Variants in R3HDM2 observed in about 807,000 individuals in gnomAD.
The protein encoded by R3HDM2 is R3H domain containing 2, also known as R3H domain-containing protein 2.
R3HDM2 carries 38 observed loss-of-function variants against 124.5 expected under a neutral mutation model. That is an observed-to-expected ratio of 0.31 (90% CI 0.24 to 0.40). The LOEUF (loss-of-function observed/expected upper bound fraction) is 0.40, where lower values mean the gene tolerates loss of function less well. Among genes scored for constraint, R3HDM2 ranks in the 10% least tolerant of loss-of-function variants. The pLI is 1.00. For missense variants in R3HDM2, 869 were observed against 1,236.9 expected (o/e 0.70, Z 4.46); for synonymous variants, 391 against 448.0 (o/e 0.87, Z 1.61).
chr12:57,354,002 C>T lies in R3HDM2; in HGVS notation c.-36+41747G>A, dbSNP rs796823408. 1.8e-4 allele frequency among the ~76,000 whole-genome samples: 27 copies of T among 151,846 alleles called. No individual in the cohort carries two copies. In the South Asian group the frequency reaches 3.4e-3, roughly 19 times the overall value. ...CTGAGTAGCTAGGATTACAAGTGCA[C>T]GCCACCACACCCAGCTAATTTTTGT... On this transcript the variant is annotated intron_variant, in intron 2 of 23. Transcript: ENST00000402412.
chr12:57,354,238 AC>A (rs2060995409), intron 2 of R3HDM2, among the ~76,000 whole-genome samples: 1 of 151,736 alleles, frequency 6.6e-6, no homozygotes, highest in African/African-American at 2.4e-5. Context: ...GAGAATTCTA[AC>A]TGCTCCACAG....
At chr12:57,309,461 T>A (rs755491591) in intron 3 of R3HDM2, among the ~76,000 whole-genome samples, 1 of 152,222 alleles carries the variant, frequency 6.6e-6, no homozygotes, top group Non-Finnish European at 1.5e-5. Context: ...TCTACTACCA[T>A]CATTTCTGTA....
At chr12:57,351,452 T>C (rs954763003) in intron 2 of R3HDM2, among the ~76,000 whole-genome samples, 8 of 152,186 alleles carry the variant, frequency 5.3e-5, no homozygotes, top group African/African-American at 1.4e-4. Context: ...AAGTAAGGCC[T>C]GTGGATGGTG....
At chr12:57,346,222 C>T (rs796964209) in intron 2 of R3HDM2, among the ~76,000 whole-genome samples, 26 of 151,048 alleles carry the variant, frequency 1.7e-4, no homozygotes, top group African/African-American at 5.4e-4. Context: ...TTTGGGAGGC[C>T]GAAGCGAGTG....
chr12:57,421,392 C>T (rs1423935417), intron 1 of R3HDM2, among the ~76,000 whole-genome samples: 1 of 151,224 alleles, frequency 6.6e-6, no homozygotes, highest in African/African-American at 2.4e-5. Context: ...TCAGGTGATC[C>T]GCCCACCTCA....
intron 2 of R3HDM2, among the ~76,000 whole-genome samples, chr12:57,360,192 C>T (rs1310128452): frequency 1.3e-5 from 2 of 151,148 alleles, no homozygotes; most frequent in Non-Finnish European, 2.9e-5. Flanking sequence ...CCATGCCTGG[C>T]TAATTTTGAA....
At chr12:57,401,939 G>A (rs748921010) in intron 1 of R3HDM2, among the ~76,000 whole-genome samples, 2 of 151,798 alleles carry the variant, frequency 1.3e-5, no homozygotes, top group African/African-American at 2.4e-5. Flanking sequence ...AGCCAAGATC[G>A]AGCTGCTGCA....
chr12:57,331,670 T>C (rs971890283), intron 2 of R3HDM2, among the ~76,000 whole-genome samples: 11 of 152,136 alleles, frequency 7.2e-5, no homozygotes, highest in Non-Finnish European at 5.9e-5. Flanking sequence ...ATCCCAGCAC[T>C]TTGGGAGGCC....
At chr12:57,416,468 C>T (rs1044864988) in intron 1 of R3HDM2, among the ~76,000 whole-genome samples, 2 of 152,048 alleles carry the variant, frequency 1.3e-5, no homozygotes, top group African/African-American at 4.8e-5. Context: ...CTTGGCTGCC[C>T]AATAGAAACT....
chr12:57,293,498 G>A (rs2049071037), intron 10 of R3HDM2, among the ~76,000 whole-genome samples: 1 of 152,074 alleles, frequency 6.6e-6, no homozygotes, highest in Admixed American at 6.5e-5. Context: ...TAACCAGACG[G>A]GATGGCTGGG....
rs1436796744 is a variant in R3HDM2, at chr12:57,360,054, T to A, written c.-36+35695A>T. Among the ~76,000 whole-genome samples, 402 of 143,442 alleles carry A rather than the reference T, an allele frequency of 2.8e-3. 2 individuals are homozygous for A. Among genetic ancestry groups the A allele is most frequent in the Admixed American group, 3.5e-3 (50 of 14,228 alleles). The allele number at this position is 143,442 out of a possible 152,430, so 94.1% of individuals were successfully genotyped here. A position where few individuals can be genotyped will look rare whatever the true frequency, so the allele number is the denominator to read the frequency against. On this transcript the variant is annotated intron_variant, in intron 2 of 23. Transcript: ENST00000402412. The stretch of plus-strand genomic sequence containing the variant: ...ATATATATATATATATATATTTTTT[T>A]TTTTTTTTTGGTCGCTCAGGCTGGA...
At chr12:57,364,015 T>C (rs2137680525) in intron 2 of R3HDM2, among the ~76,000 whole-genome samples, 1 of 152,356 alleles carries the variant, frequency 6.6e-6, no homozygotes, top group East Asian at 1.9e-4. Flanking sequence ...GATAGGTTTT[T>C]TCATCTAGCA....
chr12:57,317,198 G>GTTTGTTTT (rs1450037491), intron 2 of R3HDM2, among the ~76,000 whole-genome samples: 1 of 139,178 alleles, frequency 7.2e-6, no homozygotes, highest in Non-Finnish European at 1.6e-5. Context: ...GTTTTTTTTT[G>GTTTGTTTT]TTTGTTTTTT....
chr12:57,413,880 G>A (rs1290309063), intron 1 of R3HDM2, among the ~76,000 whole-genome samples: 4 of 125,002 alleles, frequency 3.2e-5, no homozygotes, highest in African/African-American at 1.2e-4. Context: ...GGAGTCTCAC[G>A]CTGTCACCTA....
At chr12:57,412,743 C>A (rs565635060) in intron 1 of R3HDM2, among the ~76,000 whole-genome samples, 1 of 151,870 alleles carries the variant, frequency 6.6e-6, no homozygotes, top group African/African-American at 2.4e-5. Flanking sequence ...CAGTGGCTCA[C>A]ATCTGTAATC....
At chr12:57,308,980 C>T (rs1342577570) in intron 3 of R3HDM2, among the ~76,000 whole-genome samples, 1 of 152,142 alleles carries the variant, frequency 6.6e-6, no homozygotes, top group Non-Finnish European at 1.5e-5. Flanking sequence ...CAGGGAATGA[C>T]AACTAACATG....
At chr12:57,274,523 C>T (rs1391776529) in intron 14 of R3HDM2, among the ~76,000 whole-genome samples, 1 of 152,190 alleles carries the variant, frequency 6.6e-6, no homozygotes, top group African/African-American at 2.4e-5. Context: ...GTTTTCCCCA[C>T]ACTTGTAAGT....
At chr12:57,374,732 G>A (rs1220099965) in intron 2 of R3HDM2, among the ~76,000 whole-genome samples, 1 of 131,128 alleles carries the variant, frequency 7.6e-6, no homozygotes, top group Non-Finnish European at 1.6e-5. Flanking sequence ...GGTGGCTCAC[G>A]CCTGTAATAC....
chr12:57,428,617 T>C (rs1250810391), intron 1 of R3HDM2, among the ~76,000 whole-genome samples: 1 of 151,970 alleles, frequency 6.6e-6, no homozygotes, highest in Non-Finnish European at 1.5e-5. Context: ...ATTGCACCAC[T>C]GCGCTCCACC....
Sources: allele counts gnomAD v4.1 joint callset (sites outside exome capture counted in the v4.1 genomes callset), GRCh38; gene constraint gnomAD v4.1.1; transcripts MANE v1.5; gene names NCBI Gene and HGNC (gene_info 2026-07-23, HGNC 2026-07-21).